The following ROS1 variants were observed in gnomAD, a reference collection of about 807,000 sequenced individuals.
ROS1 encodes the protein proto-oncogene tyrosine-protein kinase ROS.
Under a neutral mutation model 273.5 loss-of-function variants are expected in ROS1, and 263 were observed. The ratio of observed to expected loss-of-function variants is 0.96; its 90% CI spans 0.87 to 1.06. The LOEUF is 1.06. Ranked by LOEUF, ROS1 falls within the 50% of genes least tolerant of loss-of-function variation. The pLI is 0.00. For synonymous variants in ROS1, 1,008 were observed against 954.1 expected (o/e 1.06, Z -1.04); for missense variants, 2,833 against 2,751.1 (o/e 1.03, Z -0.67).
chr6:117,397,047 TC>T lies in ROS1; in HGVS notation c.673del (p.Asp225IlefsTer15). ...AGGTCCACCTGGGAATTGAGGTGGA[TC>T]CCAGCTGACTTCCACAGTGTCGGGA... ...SSPDTVEVSW[D>X]PPQFPGGPIL... On this transcript the variant is annotated frameshift_variant, in exon 8 of 44. Coordinates refer to ENST00000368507, the MANE Select transcript of ROS1 (RefSeq NM_001378902.1). LOFTEE classifies it high-confidence loss of function. 1.2e-6 allele frequency: 2 copies of T among 1,613,524 alleles called. No individual in the cohort carries two copies. The highest frequency in any genetic ancestry group is 1.7e-6 in the Non-Finnish European group (2 of 1,179,412).
intron 17 of ROS1, 119 bp from the exon 18 acceptor site, chr6:117,379,278 A>C: frequency 1.6e-6 from 1 of 621,654 alleles, no homozygotes; most frequent in Non-Finnish European, 2.8e-6. Context: ...TAATAAATTC[A>C]GTAATTTTTA....
intron 31 of ROS1, among the ~76,000 whole-genome samples, chr6:117,337,702 T>A (rs1777602824): frequency 6.6e-6 from 1 of 152,126 alleles, no homozygotes; most frequent in African/African-American, 2.4e-5. Flanking sequence ...GGGACAATGA[T>A]GGATCAAAAC....
chr6:117,367,759 A>G (rs774582812), intron 18 of ROS1, among the ~76,000 whole-genome samples: 1 of 152,216 alleles, frequency 6.6e-6, no homozygotes, highest in African/African-American at 2.4e-5. Flanking sequence ...TATAACACTA[A>G]TAAATCTGCA....
chr6:117,369,610 ACAGAGAATG>A (rs1023430485), intron 18 of ROS1, among the ~76,000 whole-genome samples: 4 of 152,122 alleles, frequency 2.6e-5, no homozygotes, highest in Non-Finnish European at 2.9e-5. Context: ...ATATACAGAC[ACAGAGAATG>A]CAGAGAATGG....
At chr6:117,356,307 G>A (rs1314551042) in intron 26 of ROS1, among the ~76,000 whole-genome samples, 3 of 152,138 alleles carry the variant, frequency 2.0e-5, no homozygotes, top group African/African-American at 4.8e-5. Flanking sequence ...GAGGATATTA[G>A]TACCTACTGC....
In ROS1 at chr6:117,418,450, G is replaced by GA. The variant is rs1307142762; in HGVS notation, c.168+11dup. 1 of 1,581,752 alleles carries GA rather than the reference G, an allele frequency of 6.3e-7. No homozygotes were observed. Among genetic ancestry groups the GA allele is most frequent in the African/African-American group, 1.4e-5 (1 of 73,566 alleles). ...CATTGTAATATTCTTGACAACTGAA[G>GA]AAATTACTTACCGGTTCACTCAGAT... On this transcript the variant is annotated intron_variant, in intron 2 of 43. Coordinates refer to ENST00000368507, the MANE Select transcript of ROS1 (RefSeq NM_001378902.1).
chr6:117,345,641 T>C (rs1483155526), intron 27 of ROS1, among the ~76,000 whole-genome samples: 1 of 152,166 alleles, frequency 6.6e-6, no homozygotes. Context: ...AGGGGGTAAA[T>C]GTCTAAGTGA....
intron 27 of ROS1, among the ~76,000 whole-genome samples, chr6:117,345,863 G>A (rs1327182632): frequency 6.6e-6 from 1 of 152,154 alleles, no homozygotes; most frequent in African/African-American, 2.4e-5. Flanking sequence ...AATAATGCTG[G>A]TCTGGTCTGG....
intron 27 of ROS1, 66 bp downstream of exon 27, chr6:117,352,924 G>C: frequency 7.0e-6 from 10 of 1,425,700 alleles, no homozygotes; most frequent in Non-Finnish European, 9.7e-6. Flanking sequence ...TGGAGAAGGA[G>C]ATGTTATGAG....
chr6:117,359,623 G>A lies in ROS1; in HGVS notation c.3633+186C>T, dbSNP rs376679398. Among the ~76,000 whole-genome samples the A allele has an allele frequency of 1.8e-4, 28 of 152,270 alleles. 2 individuals carry two copies. In the East Asian group the frequency reaches 2.3e-3, roughly 13 times the overall value. On this transcript the variant is annotated intron_variant, in intron 24 of 43. Transcript: ENST00000368507. ...TAAACCCAATAACTATTTGCTAACT[G>A]AGTGTTGAATGACATTTGCCCAAAA...
At chr6:117,391,936 A>G (rs1283163341) in intron 12 of ROS1, among the ~76,000 whole-genome samples, 1 of 152,234 alleles carries the variant, frequency 6.6e-6, no homozygotes, top group Non-Finnish European at 1.5e-5. Flanking sequence ...CAGTATAAAT[A>G]CTAATTATCA....
intron 39 of ROS1, among the ~76,000 whole-genome samples, chr6:117,316,752 AC>A (rs1402256290): frequency 6.6e-6 from 1 of 152,138 alleles, no homozygotes; most frequent in Non-Finnish European, 1.5e-5. Flanking sequence ...AGATATGTCA[AC>A]TAGAGAGGGA....
intron 7 of ROS1, among the ~76,000 whole-genome samples, chr6:117,401,746 G>A (rs76273920): frequency 0.039 from 5,406 of 139,894 alleles, 114 homozygotes; most frequent in Middle Eastern, 0.079. Context: ...AAAAAAGTGC[G>A]CAATCTTCCT....
intron 18 of ROS1, among the ~76,000 whole-genome samples, chr6:117,372,890 A>C (rs1023596267): frequency 5.9e-5 from 9 of 152,146 alleles, no homozygotes; most frequent in Non-Finnish European, 1.3e-4. Flanking sequence ...TTATTCCCTT[A>C]TCTGGCCCCA....
intron 22 of ROS1, among the ~76,000 whole-genome samples, chr6:117,361,489 A>C (rs576864465): frequency 1.2e-4 from 18 of 148,582 alleles, no homozygotes; most frequent in African/African-American, 4.0e-4. Flanking sequence ...ATACATATCC[A>C]TGCATATCAC....
chr6:117,367,860 A>C (rs1043741483), intron 18 of ROS1, among the ~76,000 whole-genome samples: 3 of 152,168 alleles, frequency 2.0e-5, no homozygotes, highest in African/African-American at 7.2e-5. Context: ...CCACCACCCC[A>C]AAATGAACAG....
In ROS1 at chr6:117,360,342, C is replaced by T. The variant is rs775665843; in HGVS notation, c.3430G>A (p.Glu1144Lys). The T allele has an allele frequency of 3.1e-6, 5 of 1,610,200 alleles. No homozygotes were observed. The highest frequency in any genetic ancestry group is 1.7e-4 in the Middle Eastern group (1 of 6,054). Residue 1144 changes from glutamate (E) to lysine (K), a missense_variant and splice_region_variant, in exon 23 of 44, where the codon GAA (glutamate) becomes AAA (lysine). Glu to Lys is a moderately conservative substitution (Grantham distance 56). Coordinates refer to ENST00000368507, the MANE Select transcript of ROS1 (RefSeq NM_001378902.1). ...YADVVKSTTS[E>K]INPFPHLITL... ...TGCACAGATTTTAGAAAACAAATACCTGATGTTGTAGACTTTACAACGTCA... is the reference window on the plus strand; with the variant it reads ...TGCACAGATTTTAGAAAACAAATACTTGATGTTGTAGACTTTACAACGTCA...
chr6:117,397,939 C>T (rs959945233), intron 7 of ROS1, among the ~76,000 whole-genome samples: 8 of 152,170 alleles, frequency 5.3e-5, no homozygotes, highest in Non-Finnish European at 1.2e-4. Flanking sequence ...AGATTTCTCT[C>T]CCTCTGAACA....
chr6:117,297,952 A>C (rs1774382821), intron 43 of ROS1, among the ~76,000 whole-genome samples: 1 of 152,212 alleles, frequency 6.6e-6, no homozygotes, highest in Non-Finnish European at 1.5e-5. Context: ...TCATAATAGC[A>C]AAGGTATGAG....
Sources: gnomAD v4.1 joint callset for allele counts (sites outside exome capture counted in the v4.1 genomes callset) on GRCh38, gnomAD v4.1.1 for gene constraint, MANE v1.5 for transcripts, NCBI Gene and HGNC (gene_info 2026-07-23, HGNC 2026-07-21) for gene names.